Variants in SIN3A observed in about 807,000 individuals in gnomAD.
SIN3A encodes paired amphipathic helix protein Sin3a.
In SIN3A, 14 loss-of-function variants were observed where a neutral mutation model predicts 146.1. That is an observed-to-expected ratio of 0.10 (90% CI 0.06 to 0.15). SIN3A has a LOEUF of 0.15. Ranked by LOEUF, SIN3A falls within the 10% of genes least tolerant of loss-of-function variation. The pLI is 1.00. For synonymous variants in SIN3A, 572 were observed against 572.0 expected (o/e 1.00, Z 0.00); for missense variants, 1,028 against 1,576.0 (o/e 0.65, Z 5.89).
chr15:75,374,480 A>C (rs2072816340), intron 20 of SIN3A, among the ~76,000 whole-genome samples: 1 of 152,208 alleles, frequency 6.6e-6, no homozygotes, highest in Non-Finnish European at 1.5e-5. Context: ...GGACAAGGGC[A>C]CCCTTTTGAG....
In SIN3A at chr15:75,394,802, C is replaced by G. The variant is rs151089140; in HGVS notation, c.2155G>C (p.Glu719Gln). 5.6e-6 allele frequency: 9 copies of G among 1,614,054 alleles called. No homozygotes were observed. Among genetic ancestry groups the G allele is most frequent in the African/African-American group, 1.3e-5 (1 of 75,010 alleles). The stretch of plus-strand genomic sequence containing the variant: ...TTCAAGTAGTATTTCTCATTTTGTT[C>G]TCGCCATACTTTGTTAAAGCCTCTC... ...AQRGFNKVWR[E>Q]QNEKYYLKSL... The change falls in exon 14 of 21, where the codon GAA (glutamate) becomes CAA (glutamine). Residue 719 changes from glutamate (E) to glutamine (Q), a missense_variant. By Grantham distance (29) the Glu-to-Gln change is conservative. Around this residue, in one of 9 missense-constraint regions of SIN3A, gnomAD observed 488 missense variants for 690.2 expected, o/e 0.71. Transcript: ENST00000394947.
intron 8 of SIN3A, among the ~76,000 whole-genome samples, chr15:75,409,125 A>T (rs2073576892): frequency 6.6e-6 from 1 of 151,634 alleles, no homozygotes; most frequent in Admixed American, 6.6e-5. Context: ...AATTGCTTGA[A>T]CCCGGGAGGC....
In SIN3A at chr15:75,430,406, A is replaced by G. The variant is rs1467466654; in HGVS notation, c.-31T>C. The G allele has an allele frequency of 4.5e-6, 7 of 1,568,322 alleles. No homozygotes were observed. The highest frequency in any genetic ancestry group is 2.2e-4 in the Middle Eastern group (1 of 4,580). Reference sequence around the variant, plus strand: ...GCTCATGCTCAGGGATGCACTACAAAACCTGCAGAAACCAAAAGCAATAGC... The same window carrying G: ...GCTCATGCTCAGGGATGCACTACAAGACCTGCAGAAACCAAAAGCAATAGC... On this transcript the variant is annotated splice_region_variant and 5_prime_UTR_variant, in exon 2 of 21. Transcript: ENST00000394947.
chr15:75,389,790 A>G lies in SIN3A; in HGVS notation c.2883T>C (p.Ala961=). 1 of 1,614,178 alleles carries G rather than the reference A, an allele frequency of 6.2e-7. No individual in the cohort carries two copies. ...GCAGGCTCCGCACCATGTCCAGGAA[A>G]GCTGGGTAATAATCTTCTACATCAA... ...MDVDVEDYYP[A]FLDMVRSLLD... is the part of the protein sequence containing the mutation. Residue 961 remains alanine, a synonymous_variant, in exon 16 of 21, where the codon GCT becomes GCC. Transcript: ENST00000394947.
At chr15:75,427,612 A>C (rs1282329277) in intron 2 of SIN3A, among the ~76,000 whole-genome samples, 2 of 151,954 alleles carry the variant, frequency 1.3e-5, no homozygotes, top group Non-Finnish European at 2.9e-5. Flanking sequence ...CTGAGCCAAG[A>C]CTGAACCATT....
At chr15:75,381,229 C>A in intron 18 of SIN3A, 1 of 192,134 alleles carries the variant, frequency 5.2e-6, no homozygotes, top group Non-Finnish European at 1.1e-5. Context: ...ATGATAATCA[C>A]ACCTGTCTAT....
At chr15:75,446,002 T>C (rs1000662455) in intron 1 of SIN3A, among the ~76,000 whole-genome samples, 1 of 152,208 alleles carries the variant, frequency 6.6e-6, no homozygotes, top group African/African-American at 2.4e-5. Flanking sequence ...CATTCATTCA[T>C]GTATACATTC....
At chr15:75,451,088 G>A (rs993272162) in intron 1 of SIN3A, among the ~76,000 whole-genome samples, 13 of 151,070 alleles carry the variant, frequency 8.6e-5, no homozygotes, top group South Asian at 6.3e-4. Flanking sequence ...ACCCCAGGAG[G>A]AGGGGAGGGG....
At chr15:75,373,057 C>T (rs2072783214) in intron 20 of SIN3A, among the ~76,000 whole-genome samples, 1 of 152,164 alleles carries the variant, frequency 6.6e-6, no homozygotes, top group Admixed American at 6.5e-5. Context: ...AGAGTCCAGG[C>T]TTGGCAGATG....
intron 5 of SIN3A, 144 bp downstream of exon 5, chr15:75,412,619 G>A: frequency 1.3e-6 from 1 of 786,454 alleles, no homozygotes; most frequent in Non-Finnish European, 2.0e-6. Flanking sequence ...ATGTCATAGT[G>A]AAGTTTTCAT....
intron 2 of SIN3A, among the ~76,000 whole-genome samples, chr15:75,427,537 G>C (rs1384720310): frequency 2.0e-5 from 3 of 152,046 alleles, no homozygotes; most frequent in Non-Finnish European, 4.4e-5. Flanking sequence ...GTGCACGCCT[G>C]TAATCCCAGC....
chr15:75,396,610 G>T, intron 12 of SIN3A, 114 bp from the exon 13 acceptor site: 1 of 718,488 alleles, frequency 1.4e-6, no homozygotes, highest in Non-Finnish European at 2.4e-6. Context: ...TCCTGGTTCT[G>T]CCCTACTAGC....
intron 3 of SIN3A, chr15:75,421,122 T>A (rs540396183): frequency 6.6e-6 from 1 of 152,318 alleles, no homozygotes; most frequent in Non-Finnish European, 1.5e-5. Flanking sequence ...ATAAGCAAGT[T>A]TATAAGCTAT....
upstream of SIN3A, among the ~76,000 whole-genome samples, chr15:75,454,142 A>C (rs1595939295): frequency 6.7e-6 from 1 of 148,274 alleles, no homozygotes; most frequent in Admixed American, 6.7e-5. Flanking sequence ...ATCCGCAAGA[A>C]CCGTCCCTCC....
intron 14 of SIN3A, among the ~76,000 whole-genome samples, 158 bp downstream of exon 14, chr15:75,394,522 G>T (rs1474709217): frequency 2.0e-5 from 3 of 152,162 alleles, no homozygotes; most frequent in Non-Finnish European, 4.4e-5. Context: ...ATTTAAAATG[G>T]TAGAATGAGG....
chr15:75,442,956 C>T (rs1248155584), intron 1 of SIN3A, among the ~76,000 whole-genome samples: 1 of 132,346 alleles, frequency 7.6e-6, no homozygotes, highest in Non-Finnish European at 1.6e-5. Flanking sequence ...AAAAAAAAAT[C>T]ACATTCTAAA....
intron 1 of SIN3A, chr15:75,436,196 A>G (rs1285662041): frequency 6.6e-6 from 1 of 151,968 alleles, no homozygotes; most frequent in African/African-American, 2.4e-5. Context: ...GCCACGCACA[A>G]TGGCTCACAA....
At chr15:75,450,780 G>A (rs553968741) in intron 1 of SIN3A, among the ~76,000 whole-genome samples, 1 of 152,202 alleles carries the variant, frequency 6.6e-6, no homozygotes, top group Non-Finnish European at 1.5e-5. Context: ...CATAGGGCGG[G>A]GCAGATCTAG....
At chr15:75,441,482 C>T (rs534111762) in intron 1 of SIN3A, among the ~76,000 whole-genome samples, 2 of 152,124 alleles carry the variant, frequency 1.3e-5, no homozygotes, top group South Asian at 4.1e-4. Flanking sequence ...TTTTTAGAGA[C>T]AGGGTCTCCC....
Sources: allele counts gnomAD v4.1 joint callset (sites outside exome capture counted in the v4.1 genomes callset), GRCh38; gene constraint gnomAD v4.1.1; regional missense constraint gnomAD v4.1.1; transcripts MANE v1.5; gene names NCBI Gene and HGNC (gene_info 2026-07-23, HGNC 2026-07-21).